PCYT2: variants seen among roughly 807,000 people sequenced by gnomAD.
PCYT2 encodes the protein ethanolamine-phosphate cytidylyltransferase.
A neutral mutation model predicts 50.0 loss-of-function variants in PCYT2; 33 were observed. The ratio of observed to expected loss-of-function variants is 0.66; its 90% CI spans 0.50 to 0.88. The LOEUF is 0.88. PCYT2 is among the 40% of genes least tolerant of loss of function. The pLI, the probability that PCYT2 is intolerant of heterozygous loss-of-function variation, is 0.00. For missense variants in PCYT2, 430 were observed against 519.7 expected, an observed-to-expected ratio of 0.83 and a Z score of 1.68; for synonymous variants, 240 against 203.7, an observed-to-expected ratio of 1.18 and a Z score of -1.52.
Position 81,908,425 on chromosome 17 carries a change from C to T in PCYT2, c.407+143G>A, listed in dbSNP as rs112542797. The T allele has an allele frequency of 3.5e-4, 223 of 640,456 alleles. 1 individual carries two copies. Among genetic ancestry groups the T allele is most frequent in the Middle Eastern group, 3.0e-3 (7 of 2,340 alleles). The allele number at this position is 640,456 out of a possible 1,614,324, so 39.7% of individuals were successfully genotyped here. On this transcript the variant is annotated intron_variant, in intron 4 of 12. Transcript: ENST00000538936. ...ACCCCACAATGGCACCTCCATCCCTCGAGTTCCCAGTCCTGGGCGTGAGGA... is the reference window on the plus strand; with the variant it reads ...ACCCCACAATGGCACCTCCATCCCTTGAGTTCCCAGTCCTGGGCGTGAGGA...
chr17:81,910,131 A>G (rs2040500720), intron 1 of PCYT2, among the ~76,000 whole-genome samples: 1 of 152,240 alleles, frequency 6.6e-6, no homozygotes, highest in African/African-American at 2.4e-5. Context: ...CCTCAAGCTC[A>G]GCAGGCTTAA....
chr17:81,908,503 G>C, intron 4 of PCYT2, 65 bp downstream of exon 4: 1 of 1,277,662 alleles, frequency 7.8e-7, no homozygotes, highest in East Asian at 2.3e-5. Context: ...AAATAGCAAA[G>C]CACGAGCCAG....
chr17:81,903,085 G>C lies in PCYT2; in HGVS notation c.*1748C>G, dbSNP rs536084175. On this transcript the variant is annotated 3_prime_UTR_variant, in exon 13 of 13. Coordinates refer to ENST00000538936, the MANE Select transcript of PCYT2 (RefSeq NM_002861.5). ...CACGACCCAGCCCCGCGGTGAAGCC[G>C]CGCCTAGCCTTGGTGCTCCCTGGGG... 9.6e-5 allele frequency: 31 copies of C among 323,030 alleles called. No individual in the cohort carries two copies. Among genetic ancestry groups the C allele is most frequent in the Non-Finnish European group, 1.6e-4 (29 of 177,164 alleles). The allele number at this position is 323,030 out of a possible 1,614,324, so 20.0% of individuals were successfully genotyped here. A position where few individuals can be genotyped will look rare whatever the true frequency, so the allele number is the denominator to read the frequency against.
At chr17:81,910,188 T>C (rs927043709) in intron 1 of PCYT2, among the ~76,000 whole-genome samples, 1 of 152,258 alleles carries the variant, frequency 6.6e-6, no homozygotes, top group Non-Finnish European at 1.5e-5. Flanking sequence ...TCGAGAGTTT[T>C]CATTCACAAA....
rs2040082766 is a variant in PCYT2, at chr17:81,903,738, G to C, written c.*1095C>G. The C allele has an allele frequency of 6.6e-6, 1 of 152,292 alleles. No homozygotes were observed. Among genetic ancestry groups the C allele is most frequent in the Non-Finnish European group, 1.5e-5 (1 of 68,082 alleles). 9.4% of individuals were successfully genotyped at this position (152,292 alleles called of 1,614,324 possible). A position where few individuals can be genotyped will look rare whatever the true frequency, so the allele number is the denominator to read the frequency against. On this transcript the variant is annotated 3_prime_UTR_variant, in exon 13 of 13. Coordinates refer to ENST00000538936, the MANE Select transcript of PCYT2 (RefSeq NM_002861.5). ...CACCTCGCCTCCAGCTCCTGTGCTG[G>C]GTCGTGAGGTCGACCTCACAACAGC...
chr17:81,907,603 A>G lies in PCYT2; in HGVS notation c.493-5T>C, dbSNP rs757893790. 2.5e-6 allele frequency: 4 copies of G among 1,611,572 alleles called. No homozygotes were observed. In the South Asian group the frequency reaches 4.4e-5, roughly 18 times the overall value. The stretch of plus-strand genomic sequence containing the variant: ...CCGGTACTCAGAGGACATCTCCTGC[A>G]CAGAAGGTCAGAGCAGGGCTGAGGG... On this transcript the variant is annotated splice_region_variant and splice_polypyrimidine_tract_variant and intron_variant, in intron 5 of 12. Coordinates refer to ENST00000538936, the MANE Select transcript of PCYT2 (RefSeq NM_002861.5).
At chr17:81,905,275 G>A in intron 11 of PCYT2, 107 bp downstream of exon 11, 2 of 1,310,784 alleles carry the variant, frequency 1.5e-6, no homozygotes, top group South Asian at 1.3e-5. Context: ...TGCAGTCGGA[G>A]CAGCTGCGCC....
Position 81,909,029 on chromosome 17 carries a change from C to T in PCYT2, c.187G>A (p.Ala63Thr), listed in dbSNP as rs775332157. 1.1e-5 allele frequency: 17 copies of T among 1,613,212 alleles called. No individual in the cohort carries two copies. The East Asian group carries it at 1.8e-4, about 17-fold the overall frequency. Residue 63 changes from alanine (A) to threonine (T), a missense_variant, in exon 3 of 13, where the codon GCC (alanine) becomes ACC (threonine). This residue lies in a region of PCYT2 where 117 missense variants were observed against 163.9 expected (regional missense o/e 0.71). Coordinates refer to ENST00000538936, the MANE Select transcript of PCYT2 (RefSeq NM_002861.5). Reference sequence around the variant, plus strand: ...AACACCGGGGGCCCCTTGTGCTTGGCGATCTCCTCTAGGAAAAGGACAACG... The same window carrying T: ...AACACCGGGGGCCCCTTGTGCTTGGTGATCTCCTCTAGGAAAAGGACAACG... ...IVGVHTDEEI[A>T]KHKGPPVFTQ... is the part of the protein sequence containing the mutation.
chr17:81,906,759 C>G lies in PCYT2; in HGVS notation c.676+1G>C, dbSNP rs758848008. ...GGGAGCAGCAGAGGCCCAGAGGATA[C>G]GGAACAGGTCGAAGGCACCAGCCAC... On this transcript the variant is annotated splice_donor_variant, in intron 7 of 12. Coordinates refer to ENST00000538936, the MANE Select transcript of PCYT2 (RefSeq NM_002861.5). LOFTEE classifies it high-confidence loss of function. The G allele has an allele frequency of 6.2e-7, 1 of 1,612,386 alleles. No homozygotes were observed. The highest frequency in any genetic ancestry group is 8.5e-7 in the Non-Finnish European group (1 of 1,179,514).
At chr17:81,906,398 C>T (rs146979389) in intron 8 of PCYT2, 66 bp downstream of exon 8, 4 of 1,498,654 alleles carry the variant, frequency 2.7e-6, no homozygotes, top group Non-Finnish European at 3.7e-6. Flanking sequence ...CACCTAACAG[C>T]AACGCTTAGG....
intron 2 of PCYT2, 121 bp downstream of exon 2, chr17:81,909,393 A>G: frequency 6.9e-7 from 1 of 1,440,960 alleles, no homozygotes; most frequent in Non-Finnish European, 9.4e-7. Context: ...GTGAGCCTAC[A>G]GTGCCCTCCC....
intron 6 of PCYT2, chr17:81,907,232 T>C: frequency 6.5e-7 from 1 of 1,534,392 alleles, no homozygotes; most frequent in East Asian, 2.4e-5. Flanking sequence ...GGAAAGTATG[T>C]CCCCGGCGGG....
intron 1 of PCYT2, among the ~76,000 whole-genome samples, chr17:81,910,047 C>A (rs1373133454): frequency 2.0e-5 from 3 of 152,178 alleles, no homozygotes; most frequent in African/African-American, 7.2e-5. Context: ...GGGGCTAACC[C>A]AAAACAAATC....
At chr17:81,909,137 C>T (rs1041757295) in intron 2 of PCYT2, 100 bp from the exon 3 acceptor site, 57 of 1,527,754 alleles carry the variant, frequency 3.7e-5, no homozygotes, top group Non-Finnish European at 4.6e-5. Context: ...ACAAGAGGGC[C>T]GGTGGGGGCA....
intron 9 of PCYT2, 152 bp from the exon 10 acceptor site, chr17:81,905,887 C>A: frequency 1.2e-6 from 1 of 832,522 alleles, no homozygotes; most frequent in East Asian, 2.5e-5. Flanking sequence ...TGGGGCTCCT[C>A]CATGAGACAA....
At chr17:81,906,309 C>A (rs1313477454) in intron 8 of PCYT2, 132 bp from the exon 9 acceptor site, 1 of 1,096,382 alleles carries the variant, frequency 9.1e-7, no homozygotes, top group South Asian at 1.5e-5. Context: ...GACAGGACAG[C>A]CCTGGACCCC....
At chr17:81,908,794 T>C (rs2143714887) in intron 3 of PCYT2, 82 bp downstream of exon 3, 3 of 1,428,630 alleles carry the variant, frequency 2.1e-6, no homozygotes, top group Non-Finnish European at 2.9e-6. Flanking sequence ...GGAGGCCCCC[T>C]GTTCCCGGAT....
Position 81,903,561 on chromosome 17 carries a change from T to C in PCYT2, c.*1272A>G, listed in dbSNP as rs894858533. Reference sequence around the variant, plus strand: ...TCCCTCTGCTCAGGGGACCCCGCAGTCCAGGGTTCTGAGTGGGAGCATTGG... The same window carrying C: ...TCCCTCTGCTCAGGGGACCCCGCAGCCCAGGGTTCTGAGTGGGAGCATTGG... On this transcript the variant is annotated 3_prime_UTR_variant, in exon 13 of 13. Transcript: ENST00000538936. 3 of 152,358 alleles carry C rather than the reference T, an allele frequency of 2.0e-5. No homozygotes were observed. The highest frequency in any genetic ancestry group is 6.5e-5 in the Admixed American group (1 of 15,288). 9.4% of individuals were successfully genotyped at this position (152,358 alleles called of 1,614,324 possible).
chr17:81,907,094 G>C, intron 6 of PCYT2, 196 bp from the exon 7 acceptor site: 1 of 1,102,762 alleles, frequency 9.1e-7, no homozygotes, highest in South Asian at 1.5e-5. Flanking sequence ...CACCGCAGCA[G>C]ACACCACTTC....
Sources: gnomAD v4.1 joint callset for allele counts (sites outside exome capture counted in the v4.1 genomes callset) on GRCh38, gnomAD v4.1.1 for gene constraint, gnomAD v4.1.1 regional missense constraint, MANE v1.5 for transcripts, NCBI Gene and HGNC (gene_info 2026-07-23, HGNC 2026-07-21) for gene names.